Variants in PALMD observed in about 807,000 individuals in gnomAD.
PALMD encodes paralemmin-like protein.
A neutral mutation model predicts 56.2 loss-of-function variants in PALMD; 42 were observed. The observed-to-expected ratio is 0.75, with a 90% CI of 0.58 to 0.97. PALMD has a LOEUF of 0.97. PALMD is among the 50% of genes least tolerant of loss of function. The pLI is 0.00. For synonymous variants in PALMD, 242 were observed against 222.9 expected (o/e 1.09, Z -0.76); for missense variants, 660 against 643.8 (o/e 1.03, Z -0.27).
intron 1 of PALMD, among the ~76,000 whole-genome samples, chr1:99,656,319 C>T (rs756842522): frequency 2.6e-5 from 4 of 152,048 alleles, no homozygotes; most frequent in Admixed American, 6.6e-5. Flanking sequence ...ATCTGGTAAA[C>T]TTCTAATTAT....
chr1:99,660,962 T>C (rs1652835320), intron 1 of PALMD, among the ~76,000 whole-genome samples: 1 of 152,192 alleles, frequency 6.6e-6, no homozygotes, highest in African/African-American at 2.4e-5. Flanking sequence ...CAGCATACAG[T>C]TGGAGAGCAA....
rs1319716250 is a variant in PALMD at position 99,689,667 on chromosome 1, T to C, written c.1407T>C (p.His469=). The change falls in exon 7 of 8, where the codon CAT becomes CAC. Residue 469 remains histidine, a synonymous_variant. Transcript: ENST00000263174. ...EKPSYHPIAP[H]SQVYQPAKPT... ...CGTCCTACCACCCCATAGCTCCCCA[T>C]AGTCAGGTGTACCAGCCAGCCAAAC... The C allele has an allele frequency of 6.2e-7, 1 of 1,613,540 alleles. No homozygotes were observed.
intron 7 of PALMD, among the ~76,000 whole-genome samples, chr1:99,693,045 T>A (rs1438448580): frequency 1.3e-5 from 2 of 152,234 alleles, no homozygotes; most frequent in African/African-American, 4.8e-5. Flanking sequence ...TTAGATCCCA[T>A]CCCTTCTCAT....
At chr1:99,671,117 TA>T (rs748350370) in intron 3 of PALMD, among the ~76,000 whole-genome samples, 7 of 152,196 alleles carry the variant, frequency 4.6e-5, no homozygotes, top group Non-Finnish European at 1.0e-4. Context: ...GAATGTGATT[TA>T]TCACTTGACT....
intron 3 of PALMD, among the ~76,000 whole-genome samples, chr1:99,670,578 A>G (rs1321251386): frequency 6.6e-6 from 1 of 152,212 alleles, no homozygotes; most frequent in African/African-American, 2.4e-5. Context: ...TAGAAATAGT[A>G]AAACACCTAA....
chr1:99,690,352 CTA>C (rs1315795081), intron 7 of PALMD, among the ~76,000 whole-genome samples: 1 of 152,092 alleles, frequency 6.6e-6, no homozygotes, highest in Non-Finnish European at 1.5e-5. Context: ...TCTTGTTTCT[CTA>C]TATGTCTATA....
intron 3 of PALMD, among the ~76,000 whole-genome samples, chr1:99,676,304 T>G (rs2100867278): frequency 6.6e-6 from 1 of 152,326 alleles, no homozygotes; most frequent in South Asian, 2.1e-4. Context: ...TCTTCCTTTT[T>G]TTTAAGGACA....
chr1:99,689,418 C>T lies in PALMD; in HGVS notation c.1158C>T (p.Pro386=). 1 of 1,613,748 alleles carries T rather than the reference C, an allele frequency of 6.2e-7. No individual in the cohort carries two copies. Among genetic ancestry groups the T allele is most frequent in the Admixed American group, 1.7e-5 (1 of 59,930 alleles). The change falls in exon 7 of 8, where the codon CCC becomes CCT. Residue 386 remains proline, a synonymous_variant. Transcript: ENST00000263174. ...AATCTGAACACCAGAATTCTTCACCCACTTGTCAGGAGGACGAGGAAGATG... is the reference window on the plus strand; with the variant it reads ...AATCTGAACACCAGAATTCTTCACCTACTTGTCAGGAGGACGAGGAAGATG... ...FGKSEHQNSS[P]TCQEDEEDVR... is the part of the protein sequence containing the mutation.
chr1:99,677,264 A>G (rs1016992453), intron 3 of PALMD, among the ~76,000 whole-genome samples: 1 of 152,106 alleles, frequency 6.6e-6, no homozygotes, highest in African/African-American at 2.4e-5. Flanking sequence ...AATTATGAAA[A>G]ATCTCATAAA....
intron 2 of PALMD, among the ~76,000 whole-genome samples, chr1:99,666,928 T>C (rs1410935519): frequency 6.6e-6 from 1 of 151,546 alleles, no homozygotes; most frequent in Non-Finnish European, 1.5e-5. Context: ...TGAAATGTAA[T>C]TTTTTGTGTG....
chr1:99,650,838 C>T (rs834992), intron 1 of PALMD, among the ~76,000 whole-genome samples: 97,551 of 152,076 alleles, frequency 0.64, 31,440 homozygotes, highest in East Asian at 0.7. Context: ...TTTCCTTATT[C>T]GTTCTATCTG....
At chr1:99,683,267 G>C (rs1236943851) in intron 3 of PALMD, 1 of 152,032 alleles carries the variant, frequency 6.6e-6, no homozygotes, top group Non-Finnish European at 1.5e-5. Context: ...ACTTTCTAGG[G>C]AAACTTATCC....
intron 1 of PALMD, among the ~76,000 whole-genome samples, chr1:99,657,620 C>T (rs1384613487): frequency 6.6e-6 from 1 of 152,130 alleles, no homozygotes; most frequent in African/African-American, 2.4e-5. Context: ...TTCTTCTTCC[C>T]CTGAAAACTT....
intron 3 of PALMD, among the ~76,000 whole-genome samples, chr1:99,671,950 A>C (rs986456303): frequency 1.3e-5 from 2 of 152,222 alleles, no homozygotes; most frequent in Non-Finnish European, 2.9e-5. Context: ...GAGCCTGTAG[A>C]AATTTTTTAC....
chr1:99,683,046 AAGAAAGAAAGAGAG>A (rs1653389887), intron 3 of PALMD, among the ~76,000 whole-genome samples: 1 of 19,136 alleles, frequency 5.2e-5, no homozygotes, highest in African/African-American at 1.7e-4. Flanking sequence ...GAAAGAAAGA[AAGAAAGAAAGAGAG>A]AGAGAGAGAG....
chr1:99,650,592 G>A (rs1652558059), intron 1 of PALMD, among the ~76,000 whole-genome samples: 1 of 152,140 alleles, frequency 6.6e-6, no homozygotes, highest in Non-Finnish European at 1.5e-5. Context: ...TCTTCTAACA[G>A]TCAGTAAGAC....
At chr1:99,652,700 GAAAA>G (rs1652621247) in intron 1 of PALMD, among the ~76,000 whole-genome samples, 8 of 85,392 alleles carry the variant, frequency 9.4e-5, no homozygotes, top group Non-Finnish European at 1.5e-4. Flanking sequence ...GAAAGGAAAA[GAAAA>G]GAAAAGAAAA....
chr1:99,688,772 C>A lies in PALMD; in HGVS notation c.515-3C>A. 6.4e-7 allele frequency: 1 copy of A among 1,560,646 alleles called. No individual in the cohort carries two copies. Among genetic ancestry groups the A allele is most frequent in the Non-Finnish European group, 8.7e-7 (1 of 1,154,828 alleles). On this transcript the variant is annotated splice_polypyrimidine_tract_variant and splice_region_variant and intron_variant, in intron 6 of 7. Coordinates refer to ENST00000263174, the MANE Select transcript of PALMD (RefSeq NM_017734.5). Reference sequence around the variant, plus strand: ...ATCAAAGATCAAATTTGTTTCTTAACAGCTTTATATGCCATGGAAATTAAA... The same window carrying A: ...ATCAAAGATCAAATTTGTTTCTTAAAAGCTTTATATGCCATGGAAATTAAA...
intron 3 of PALMD, chr1:99,684,272 G>A (rs1653437027): frequency 6.6e-6 from 1 of 152,004 alleles, no homozygotes; most frequent in Non-Finnish European, 1.5e-5. Context: ...AAAGAAAAAG[G>A]GGAAAAAAGA....
Sources: allele counts gnomAD v4.1 joint callset (sites outside exome capture counted in the v4.1 genomes callset), GRCh38; gene constraint gnomAD v4.1.1; transcripts MANE v1.5; gene names NCBI Gene and HGNC (gene_info 2026-07-23, HGNC 2026-07-21).